FGGY: variants seen among roughly 807,000 people sequenced by gnomAD.
FGGY encodes the protein FGGY carbohydrate kinase domain containing, also known as FGGY carbohydrate kinase domain-containing protein.
Under a neutral mutation model 71.3 loss-of-function variants are expected in FGGY, and 72 were observed. That is an observed-to-expected ratio of 1.01 (90% CI 0.84 to 1.23). The LOEUF (loss-of-function observed/expected upper bound fraction) is 1.23. Ranked by LOEUF, FGGY falls within the 50% of genes most tolerant of loss-of-function variation. FGGY has a pLI of 0.00. For synonymous variants in FGGY, 251 were observed against 250.3 expected, an observed-to-expected ratio of 1.00 and a Z score of -0.02; for missense variants, 668 against 682.3, an observed-to-expected ratio of 0.98 and a Z score of 0.23.
chr1:59,542,850 T>C (rs1268016289), intron 7 of FGGY, among the ~76,000 whole-genome samples: 1 of 152,144 alleles, frequency 6.6e-6, no homozygotes, highest in Non-Finnish European at 1.5e-5. Flanking sequence ...TAAATGGTGA[T>C]ATCTGGAAGT....
At chr1:59,517,179 G>A (rs1275121118) in intron 7 of FGGY, among the ~76,000 whole-genome samples, 1 of 150,276 alleles carries the variant, frequency 6.7e-6, no homozygotes, top group Non-Finnish European at 1.5e-5. Flanking sequence ...TCTTTTCTTG[G>A]CTCCAGCACC....
intron 8 of FGGY, among the ~76,000 whole-genome samples, chr1:59,600,231 G>A (rs981899754): frequency 2.6e-5 from 4 of 152,154 alleles, no homozygotes; most frequent in African/African-American, 7.2e-5. Flanking sequence ...ACAGAGCACC[G>A]TGACCTACTG....
chr1:59,515,607 G>T (rs565037586), intron 7 of FGGY, among the ~76,000 whole-genome samples: 2 of 152,282 alleles, frequency 1.3e-5, no homozygotes, highest in Non-Finnish European at 2.9e-5. Flanking sequence ...AGGGACTTAG[G>T]GGGAGGGAAT....
chr1:59,607,920 C>CA lies in FGGY; in HGVS notation c.1011+11dup. 6.2e-7 allele frequency: 1 copy of CA among 1,602,762 alleles called. No individual in the cohort carries two copies. The highest frequency in any genetic ancestry group is 8.5e-7 in the Non-Finnish European group (1 of 1,169,776). ...CGTTACTGGAAAATTGGTAAGTTGA[C>CA]ACTTTCTCAATAGGGTCATGGATGT... On this transcript the variant is annotated intron_variant, in intron 9 of 15. Coordinates refer to ENST00000303721, the MANE Select transcript of FGGY (RefSeq NM_018291.5).
At chr1:59,409,440 A>G (rs1276579812) in intron 5 of FGGY, among the ~76,000 whole-genome samples, 1 of 152,124 alleles carries the variant, frequency 6.6e-6, no homozygotes, top group East Asian at 1.9e-4. Flanking sequence ...AGCCGTTGAG[A>G]AAGGGAGCAA....
At chr1:59,720,013 C>T (rs1281696439) in intron 14 of FGGY, among the ~76,000 whole-genome samples, 1 of 152,170 alleles carries the variant, frequency 6.6e-6, no homozygotes, top group Admixed American at 6.6e-5. Flanking sequence ...AAGGTCAGAG[C>T]AAAGTGGTGT....
intron 14 of FGGY, among the ~76,000 whole-genome samples, chr1:59,729,539 G>C (rs2097997187): frequency 6.6e-6 from 1 of 152,166 alleles, no homozygotes. Flanking sequence ...GTTTGTTATA[G>C]TTGTACATGC....
chr1:59,364,840 A>T (rs1371644954), intron 4 of FGGY, among the ~76,000 whole-genome samples: 1 of 152,242 alleles, frequency 6.6e-6, no homozygotes, highest in Non-Finnish European at 1.5e-5. Context: ...TGTTTCTCTG[A>T]AGAACTCTAA....
At chr1:59,368,401 G>T (rs2056943981) in intron 4 of FGGY, among the ~76,000 whole-genome samples, 1 of 152,192 alleles carries the variant, frequency 6.6e-6, no homozygotes, top group Non-Finnish European at 1.5e-5. Context: ...TGGTAACTGT[G>T]GCATAGTGGA....
At chr1:59,537,966 G>A (rs1185286985) in intron 7 of FGGY, among the ~76,000 whole-genome samples, 2 of 152,108 alleles carry the variant, frequency 1.3e-5, no homozygotes, top group Non-Finnish European at 2.9e-5. Context: ...AACACCAAAA[G>A]CAATGGCAAC....
At chr1:59,671,235 G>A (rs1369431845) in intron 13 of FGGY, among the ~76,000 whole-genome samples, 1 of 152,182 alleles carries the variant, frequency 6.6e-6, no homozygotes, top group African/African-American at 2.4e-5. Context: ...GTGTCAGTCA[G>A]GTCCAGGCAG....
chr1:59,517,018 T>C (rs563137567), intron 7 of FGGY, among the ~76,000 whole-genome samples: 2 of 152,132 alleles, frequency 1.3e-5, no homozygotes, highest in Non-Finnish European at 2.9e-5. Context: ...AAAAGAACAT[T>C]TTGTTCTTAA....
rs1310629950 is a variant in FGGY, at chr1:59,762,600, G to A, written c.*16G>A. 2 of 1,604,860 alleles carry A rather than the reference G, an allele frequency of 1.2e-6. No homozygotes were observed. The highest frequency in any genetic ancestry group is 1.7e-5 in the Admixed American group (1 of 59,708). On this transcript the variant is annotated 3_prime_UTR_variant, in exon 16 of 16. Coordinates refer to ENST00000303721, the MANE Select transcript of FGGY (RefSeq NM_018291.5). The stretch of plus-strand genomic sequence containing the variant: ...TGATGACTGAACAGGGCTTGCAGGT[G>A]CTGATGCCAGAAGCTTCTGTGCCAT...
intron 11 of FGGY, among the ~76,000 whole-genome samples, chr1:59,653,495 G>A (rs996894618): frequency 1.3e-5 from 2 of 152,112 alleles, no homozygotes; most frequent in East Asian, 1.9e-4. Flanking sequence ...CGCAATATTC[G>A]GGTGGGAGTG....
chr1:59,662,059 C>T (rs1428986898), intron 12 of FGGY, among the ~76,000 whole-genome samples: 2 of 145,002 alleles, frequency 1.4e-5, no homozygotes, highest in Non-Finnish European at 1.5e-5. Flanking sequence ...GGTGACTCAA[C>T]GCCTGTAATC....
At position 59,607,916 on chromosome 1, in the gene FGGY, T is replaced by C. The variant is rs1395953188; in HGVS notation, c.1011+6T>C. ...AGAGCGTTACTGGAAAATTGGTAAGTTGACACTTTCTCAATAGGGTCATGG... is the reference window on the plus strand; with the variant it reads ...AGAGCGTTACTGGAAAATTGGTAAGCTGACACTTTCTCAATAGGGTCATGG... On this transcript the variant is annotated splice_donor_region_variant and intron_variant, in intron 9 of 15. Coordinates refer to ENST00000303721, the MANE Select transcript of FGGY (RefSeq NM_018291.5). 7 of 1,609,344 alleles carry C rather than the reference T, an allele frequency of 4.3e-6. No homozygotes were observed. Among genetic ancestry groups the C allele is most frequent in the East Asian group, 4.5e-5 (2 of 44,852 alleles).
chr1:59,721,201 T>C (rs1030455716), intron 14 of FGGY, among the ~76,000 whole-genome samples: 19 of 152,186 alleles, frequency 1.2e-4, no homozygotes, highest in Admixed American at 3.9e-4. Flanking sequence ...CTGTGTGATA[T>C]ATGTGCATGA....
chr1:59,329,626 G>A (rs906342976), intron 2 of FGGY, among the ~76,000 whole-genome samples: 4 of 152,084 alleles, frequency 2.6e-5, no homozygotes, highest in Admixed American at 2.6e-4. Context: ...CCTTCCTTCT[G>A]TCATGTCCTC....
chr1:59,373,591 A>G (rs2058101839), intron 4 of FGGY, among the ~76,000 whole-genome samples: 1 of 152,200 alleles, frequency 6.6e-6, no homozygotes, highest in African/African-American at 2.4e-5. Flanking sequence ...AAGAGCCCGC[A>G]TCCCCAAGTC....
Sources: allele counts gnomAD v4.1 joint callset (sites outside exome capture counted in the v4.1 genomes callset), GRCh38; gene constraint gnomAD v4.1.1; transcripts MANE v1.5; gene names NCBI Gene and HGNC (gene_info 2026-07-23, HGNC 2026-07-21).